ADAM22: variants seen among roughly 807,000 people sequenced by gnomAD.
ADAM22 encodes the protein disintegrin and metalloproteinase domain-containing protein 22.
Under a neutral mutation model 144.6 loss-of-function variants are expected in ADAM22, and 65 were observed. That is an observed-to-expected ratio of 0.45 (90% CI 0.37 to 0.55). The LOEUF (loss-of-function observed/expected upper bound fraction) is 0.55. ADAM22 is among the 20% of genes least tolerant of loss of function. The pLI is 0.00. For synonymous variants in ADAM22, 391 were observed against 412.6 expected (o/e 0.95, Z 0.63); for missense variants, 974 against 1,184.9 (o/e 0.82, Z 2.61).
chr7:88,051,788 T>G (rs1172181010), intron 3 of ADAM22, among the ~76,000 whole-genome samples: 3 of 152,226 alleles, frequency 2.0e-5, no homozygotes, highest in African/African-American at 7.2e-5. Flanking sequence ...GGCCTTTGAC[T>G]TAGCCTTTTT....
Position 88,105,233 on chromosome 7 carries a change from A to T in ADAM22, c.391-2943A>T, listed in dbSNP as rs1824044435. Among the ~76,000 whole-genome samples, 3 of 151,784 alleles carry T rather than the reference A, an allele frequency of 2.0e-5. No individual in the cohort carries two copies. The South Asian group carries it at 6.2e-4, about 32-fold the overall frequency. On this transcript the variant is annotated intron_variant, in intron 4 of 31. Coordinates refer to ENST00000413139, the MANE Select transcript of ADAM22 (RefSeq NM_001324418.2). ...ATTTTTTTTGTTTCTACTTCTCTTT[A>T]TTTATCTTTGTTTCTACTATCTTCA...
chr7:88,153,929 G>A (rs1839178347), intron 21 of ADAM22, among the ~76,000 whole-genome samples: 1 of 152,130 alleles, frequency 6.6e-6, no homozygotes, highest in African/African-American at 2.4e-5. Flanking sequence ...ACTACTATCA[G>A]AATAATCTTT....
At position 88,193,195 on chromosome 7, in the gene ADAM22, C is replaced by T. The variant is rs371961163; in HGVS notation, c.2830C>T (p.Pro944Ser). ...CAGAAAATACCCTTACCCAATGCCT[C>T]CACTTCCTGATGAGGACAAGAAAGT... ...SSRKYPYPMP[P>S]LPDEDKKVNR... The change falls in exon 31 of 32, where the codon CCA (proline) becomes TCA (serine). Residue 944 changes from proline to serine, a missense_variant. Around this residue, in one of 2 missense-constraint regions of ADAM22, gnomAD observed 734 missense variants for 950.6 expected, o/e 0.77. Transcript: ENST00000413139. 40 of 1,613,946 alleles carry T rather than the reference C, an allele frequency of 2.5e-5. No homozygotes were observed. Among genetic ancestry groups the T allele is most frequent in the Non-Finnish European group, 3.2e-5 (38 of 1,179,964 alleles).
chr7:88,174,257 G>C (rs567897824), intron 26 of ADAM22, among the ~76,000 whole-genome samples: 1 of 152,092 alleles, frequency 6.6e-6, no homozygotes, highest in African/African-American at 2.4e-5. Flanking sequence ...ATGTGAAGCA[G>C]ACCCACGTTT....
intron 20 of ADAM22, among the ~76,000 whole-genome samples, chr7:88,151,835 A>G (rs1017752134): frequency 3.3e-5 from 5 of 152,200 alleles, no homozygotes; most frequent in Admixed American, 6.6e-5. Flanking sequence ...TCAGAAAGAA[A>G]TGTTAATGTT....
At chr7:88,102,646 G>C (rs1823248656) in intron 4 of ADAM22, among the ~76,000 whole-genome samples, 1 of 152,152 alleles carries the variant, frequency 6.6e-6, no homozygotes, top group Admixed American at 6.6e-5. Context: ...CAGATTCTTA[G>C]GTCTTACCTC....
intron 28 of ADAM22, 76 bp from the exon 29 acceptor site, chr7:88,181,882 C>A: frequency 1.5e-6 from 2 of 1,340,974 alleles, no homozygotes; most frequent in Non-Finnish European, 2.1e-6. Flanking sequence ...ATTATACCCA[C>A]TTGAAATGCC....
rs150402713 is a variant in ADAM22 at position 88,159,397 on chromosome 7, T to C, written c.1907+3391T>C. 2.6e-3 allele frequency among the ~76,000 whole-genome samples: 396 copies of C among 152,148 alleles called. 6 individuals carry two copies. In the East Asian group the frequency reaches 0.033, roughly 13 times the overall value. On this transcript the variant is annotated intron_variant, in intron 22 of 31. Transcript: ENST00000413139. ...TTGAGGAGGAGTGACTCCTCCCTAT[T>C]TCATTCTATGAGGCCAGTATCATCC...
At chr7:87,999,836 T>G (rs907627002) in intron 3 of ADAM22, among the ~76,000 whole-genome samples, 1 of 152,172 alleles carries the variant, frequency 6.6e-6, no homozygotes, top group South Asian at 2.1e-4. Context: ...GCCAGCTTGG[T>G]GCAGTGGCAC....
chr7:87,934,919 G>A (rs1454214188), intron 1 of ADAM22, 107 bp from the exon 2 acceptor site: 1 of 1,499,160 alleles, frequency 6.7e-7, no homozygotes, highest in South Asian at 1.1e-5. Context: ...GGGGCGGTGG[G>A]GATTTTCGTA....
chr7:88,154,347 C>T (rs371226478), intron 21 of ADAM22, among the ~76,000 whole-genome samples: 1 of 152,138 alleles, frequency 6.6e-6, no homozygotes, highest in Non-Finnish European at 1.5e-5. Context: ...ATCTAGCAAA[C>T]CTTACCATTC....
intron 21 of ADAM22, among the ~76,000 whole-genome samples, chr7:88,153,965 T>C (rs960287799): frequency 2.0e-5 from 3 of 152,212 alleles, no homozygotes; most frequent in Non-Finnish European, 2.9e-5. Flanking sequence ...GTCAATTCTT[T>C]GTTGAAAGTT....
intron 2 of ADAM22, among the ~76,000 whole-genome samples, chr7:87,944,326 T>C (rs1843061677): frequency 2.0e-5 from 3 of 152,198 alleles, no homozygotes; most frequent in Admixed American, 6.5e-5. Flanking sequence ...TCAAGCTTTT[T>C]TCTCTGTGTG....
intron 24 of ADAM22, among the ~76,000 whole-genome samples, chr7:88,167,138 TCCTG>T (rs1843142460): frequency 6.6e-6 from 1 of 152,122 alleles, no homozygotes; most frequent in Non-Finnish European, 1.5e-5. Flanking sequence ...AGCCCATGAC[TCCTG>T]ACCTCTGATG....
intron 2 of ADAM22, among the ~76,000 whole-genome samples, chr7:87,966,120 C>G (rs1252044890): frequency 6.6e-6 from 1 of 152,198 alleles, no homozygotes; most frequent in Non-Finnish European, 1.5e-5. Context: ...TTTCCTAACT[C>G]TACTCTAATG....
intron 29 of ADAM22, 190 bp downstream of exon 29, chr7:88,182,214 T>A (rs1847218641): frequency 1.9e-6 from 1 of 520,172 alleles, no homozygotes; most frequent in South Asian, 3.0e-5. Flanking sequence ...CCACAACTGT[T>A]CCCATACCAA....
At chr7:87,971,197 T>G (rs1307775980) in intron 2 of ADAM22, among the ~76,000 whole-genome samples, 1 of 152,220 alleles carries the variant, frequency 6.6e-6, no homozygotes, top group East Asian at 1.9e-4. Flanking sequence ...AAAGATTGTT[T>G]TTTATGTTTT....
chr7:88,158,003 G>C (rs1215102781), intron 22 of ADAM22, among the ~76,000 whole-genome samples: 1 of 152,062 alleles, frequency 6.6e-6, no homozygotes, highest in African/African-American at 2.4e-5. Context: ...GTCTTCAAGA[G>C]AGCCATCTCA....
intron 3 of ADAM22, among the ~76,000 whole-genome samples, chr7:88,015,158 C>A (rs1181655145): frequency 6.6e-6 from 1 of 152,006 alleles, no homozygotes; most frequent in East Asian, 1.9e-4. Context: ...CTGAAGAAGA[C>A]AATGAAAAGA....
Sources: allele counts gnomAD v4.1 joint callset (sites outside exome capture counted in the v4.1 genomes callset), GRCh38; gene constraint gnomAD v4.1.1; regional missense constraint gnomAD v4.1.1; transcripts MANE v1.5; gene names NCBI Gene and HGNC (gene_info 2026-07-23, HGNC 2026-07-21).